DCUN1D4: variants seen among roughly 807,000 people sequenced by gnomAD.
DCUN1D4 encodes the protein defective in cullin neddylation 1 domain containing 4.
A neutral mutation model predicts 47.9 loss-of-function variants in DCUN1D4; 22 were observed. That is an observed-to-expected ratio of 0.46 (90% CI 0.33 to 0.66). The LOEUF is 0.66. Ranked by LOEUF, DCUN1D4 falls within the 30% of genes least tolerant of loss-of-function variation. The probability of loss-of-function intolerance (pLI) is 0.02; values close to 1 mark genes in which losing one functional copy is unlikely to be tolerated. For missense variants in DCUN1D4, 301 were observed against 340.8 expected (o/e 0.88, Z 0.92); for synonymous variants, 121 against 112.2 (o/e 1.08, Z -0.50).
chr4:51,882,358 A>G (rs1454207207), intron 5 of DCUN1D4, among the ~76,000 whole-genome samples: 2 of 152,132 alleles, frequency 1.3e-5, no homozygotes, highest in Non-Finnish European at 2.9e-5. Context: ...GTGAACATTG[A>G]CAGAAAGAGA....
At chr4:51,866,942 G>A (rs1441691366) in intron 3 of DCUN1D4, among the ~76,000 whole-genome samples, 1 of 152,190 alleles carries the variant, frequency 6.6e-6, no homozygotes, top group Non-Finnish European at 1.5e-5. Flanking sequence ...ACTTGGCCAG[G>A]CAGGCTGCAC....
At chr4:51,872,142 T>G (rs1726995612) in intron 3 of DCUN1D4, among the ~76,000 whole-genome samples, 1 of 152,078 alleles carries the variant, frequency 6.6e-6, no homozygotes, top group Non-Finnish European at 1.5e-5. Context: ...AAGACTGGGG[T>G]CTGGGAAGGA....
intron 3 of DCUN1D4, among the ~76,000 whole-genome samples, chr4:51,870,975 G>A (rs1726798934): frequency 6.6e-6 from 1 of 152,004 alleles, no homozygotes; most frequent in East Asian, 1.9e-4. Context: ...CTGGATCTGA[G>A]TTTGCCTCAT....
At chr4:51,854,332 C>T (rs1723808790) in intron 1 of DCUN1D4, among the ~76,000 whole-genome samples, 1 of 152,040 alleles carries the variant, frequency 6.6e-6, no homozygotes, top group African/African-American at 2.4e-5. Flanking sequence ...TTGAGATGTA[C>T]CTCATTTTTA....
At chr4:51,899,522 T>C (rs1222824484) in intron 8 of DCUN1D4, 144 bp downstream of exon 8, 3 of 1,454,914 alleles carry the variant, frequency 2.1e-6, no homozygotes, top group Non-Finnish European at 2.7e-6. Flanking sequence ...TCTTTCTACA[T>C]GTATGCTTTT....
chr4:51,905,541 T>C (rs1264960683), intron 8 of DCUN1D4, among the ~76,000 whole-genome samples: 1 of 152,210 alleles, frequency 6.6e-6, no homozygotes, highest in African/African-American at 2.4e-5. Flanking sequence ...TTCTTTTAAA[T>C]AAAGCAGCCA....
At chr4:51,890,993 G>C (rs1730333179) in intron 6 of DCUN1D4, among the ~76,000 whole-genome samples, 1 of 152,216 alleles carries the variant, frequency 6.6e-6, no homozygotes, top group Non-Finnish European at 1.5e-5. Context: ...TCCTTTACAA[G>C]TGATGACACC....
intron 6 of DCUN1D4, 35 bp from the exon 7 acceptor site, chr4:51,891,725 A>G (rs1730453446): frequency 1.3e-6 from 2 of 1,487,614 alleles, no homozygotes; most frequent in Admixed American, 1.8e-5. Context: ...TTTGTGTAAT[A>G]TATTTTTTTT....
intron 5 of DCUN1D4, among the ~76,000 whole-genome samples, chr4:51,881,809 A>G (rs978252480): frequency 3.9e-5 from 6 of 152,168 alleles, no homozygotes; most frequent in Non-Finnish European, 8.8e-5. Context: ...GTAAAATACA[A>G]CTAGAATCCC....
intron 1 of DCUN1D4, 42 bp downstream of exon 1, chr4:51,843,309 C>A: frequency 6.7e-7 from 1 of 1,501,724 alleles, no homozygotes; most frequent in South Asian, 1.3e-5. Context: ...GGCCGGGCGG[C>A]TGCCAAACTC....
chr4:51,900,215 A>T (rs1731889144), intron 8 of DCUN1D4, among the ~76,000 whole-genome samples: 1 of 146,662 alleles, frequency 6.8e-6, no homozygotes. Flanking sequence ...TTCACTTTTT[A>T]CTCTCTTTGG....
chr4:51,877,905 T>A (rs1296214503), intron 5 of DCUN1D4, 51 bp downstream of exon 5: 2 of 1,237,332 alleles, frequency 1.6e-6, no homozygotes, highest in Non-Finnish European at 2.3e-6. Context: ...CAATAAGGAG[T>A]ACCTTAGAGA....
intron 3 of DCUN1D4, among the ~76,000 whole-genome samples, chr4:51,870,807 T>A (rs1231244754): frequency 1.3e-5 from 2 of 152,248 alleles, no homozygotes; most frequent in East Asian, 3.8e-4. Context: ...TCTGTGCATT[T>A]TGTTTATTTA....
intron 8 of DCUN1D4, among the ~76,000 whole-genome samples, chr4:51,900,062 A>C (rs1222192474): frequency 6.6e-6 from 1 of 152,162 alleles, no homozygotes; most frequent in East Asian, 1.9e-4. Flanking sequence ...TTCTGAAATG[A>C]TGTTTTCTGT....
chr4:51,838,979 G>A (rs1309294912), upstream of DCUN1D4, among the ~76,000 whole-genome samples: 2 of 152,096 alleles, frequency 1.3e-5, no homozygotes, highest in Non-Finnish European at 2.9e-5. Flanking sequence ...AGAGGCTGAG[G>A]CAGGAGAATC....
chr4:51,842,889 CT>C, upstream of DCUN1D4: 1 of 362,546 alleles, frequency 2.8e-6, no homozygotes, highest in Non-Finnish European at 4.6e-6. Context: ...TACACGCGCT[CT>C]CGGACCCCTG....
chr4:51,860,901 G>A (rs528300580), intron 1 of DCUN1D4, among the ~76,000 whole-genome samples: 77 of 152,180 alleles, frequency 5.1e-4, no homozygotes, highest in Non-Finnish European at 9.8e-4. Flanking sequence ...AATTACAGAG[G>A]AAGCTCTGAC....
upstream of DCUN1D4, among the ~76,000 whole-genome samples, chr4:51,842,379 CTT>C (rs989238433): frequency 3.3e-5 from 5 of 152,146 alleles, no homozygotes; most frequent in African/African-American, 1.2e-4. Flanking sequence ...TTCGAAGCCT[CTT>C]TAACAGACAT....
chr4:51,853,650 G>A (rs1261902301), intron 1 of DCUN1D4, among the ~76,000 whole-genome samples: 1 of 152,220 alleles, frequency 6.6e-6, no homozygotes, highest in African/African-American at 2.4e-5. Flanking sequence ...TGAGAAACAC[G>A]TGGTGCCCCA....
Sources: gnomAD v4.1 joint callset for allele counts (sites outside exome capture counted in the v4.1 genomes callset) on GRCh38, gnomAD v4.1.1 for gene constraint, MANE v1.5 for transcripts, NCBI Gene and HGNC (gene_info 2026-07-23, HGNC 2026-07-21) for gene names.